The following RHOBTB3 variants were observed in gnomAD, a reference collection of about 807,000 sequenced individuals.
RHOBTB3 encodes Rho related BTB domain containing 3.
RHOBTB3 carries 47 observed loss-of-function variants against 67.2 expected under a neutral mutation model. The ratio of observed to expected loss-of-function variants is 0.70; its 90% CI spans 0.55 to 0.89. The LOEUF (loss-of-function observed/expected upper bound fraction) is 0.89, where lower values mean the gene tolerates loss of function less well. Ranked by LOEUF, RHOBTB3 falls within the 40% of genes least tolerant of loss-of-function variation. The pLI, the probability that RHOBTB3 is intolerant of heterozygous loss-of-function variation, is 0.00. For synonymous variants in RHOBTB3, 273 were observed against 274.2 expected (o/e 1.00, Z 0.04); for missense variants, 631 against 750.0 (o/e 0.84, Z 1.85).
At chr5:95,779,700 T>G (rs1319125993) in intron 8 of RHOBTB3, among the ~76,000 whole-genome samples, 1 of 152,204 alleles carries the variant, frequency 6.6e-6, no homozygotes. Context: ...GGTCATCCTC[T>G]TCCAGATTTT....
intron 3 of RHOBTB3, among the ~76,000 whole-genome samples, chr5:95,740,962 C>T (rs1349617450): frequency 3.3e-5 from 5 of 152,058 alleles, no homozygotes; most frequent in African/African-American, 1.2e-4. Flanking sequence ...AAGAACAAGG[C>T]CGTTATCTTA....
intron 1 of RHOBTB3, among the ~76,000 whole-genome samples, chr5:95,722,678 C>A (rs1019538933): frequency 1.3e-5 from 2 of 152,184 alleles, no homozygotes; most frequent in African/African-American, 2.4e-5. Context: ...TTAGTAGAGG[C>A]AGGGTTTCAC....
chr5:95,727,266 T>C (rs1437162950), upstream of RHOBTB3, among the ~76,000 whole-genome samples: 1 of 150,540 alleles, frequency 6.6e-6, no homozygotes, highest in Non-Finnish European at 1.5e-5. Flanking sequence ...GATTCTTCTA[T>C]GCAAACCTAG....
At chr5:95,750,583 A>C (rs1745061331) in intron 4 of RHOBTB3, among the ~76,000 whole-genome samples, 1 of 152,256 alleles carries the variant, frequency 6.6e-6, no homozygotes, top group South Asian at 2.1e-4. Flanking sequence ...AGGTCTATGG[A>C]ATAGTGCTAG....
chr5:95,772,655 C>T (rs189044043), intron 8 of RHOBTB3, among the ~76,000 whole-genome samples: 48 of 152,236 alleles, frequency 3.2e-4, no homozygotes, highest in Non-Finnish European at 5.9e-4. Context: ...AATTCCTGGT[C>T]GCAGGAGGAA....
intron 3 of RHOBTB3, among the ~76,000 whole-genome samples, 193 bp downstream of exon 3, chr5:95,737,268 GT>G (rs761619255): frequency 2.6e-5 from 4 of 152,212 alleles, no homozygotes; most frequent in Non-Finnish European, 5.9e-5. Flanking sequence ...AACTTCTGCT[GT>G]GATTCCACTG....
chr5:95,731,142 G>T, upstream of RHOBTB3: 7 of 1,015,324 alleles, frequency 6.9e-6, no homozygotes, highest in Non-Finnish European at 8.3e-6. Flanking sequence ...ATTCCGCGGC[G>T]CCCCGCGCGG....
At chr5:95,780,109 A>G in intron 8 of RHOBTB3, 143 bp from the exon 9 acceptor site, 1 of 575,974 alleles carries the variant, frequency 1.7e-6, no homozygotes, top group Non-Finnish European at 3.0e-6. Flanking sequence ...TTTCTGGATT[A>G]ATGGTAGTTA....
intron 1 of RHOBTB3, among the ~76,000 whole-genome samples, chr5:95,724,846 A>G (rs770012438): frequency 2.6e-5 from 4 of 152,158 alleles, no homozygotes; most frequent in Non-Finnish European, 5.9e-5. Flanking sequence ...AAAATTTGCA[A>G]AGCACTTAAT....
chr5:95,760,251 CGAG>C (rs761161698), intron 6 of RHOBTB3, among the ~76,000 whole-genome samples: 5 of 151,944 alleles, frequency 3.3e-5, no homozygotes, highest in Non-Finnish European at 7.4e-5. Flanking sequence ...TCCTAAGGAA[CGAG>C]GAGTAATGTG....
Position 95,780,299 on chromosome 5 carries a change from G to C in RHOBTB3, c.1330G>C (p.Val444Leu). ...HRAILVARCE[V>L]MAAMFNGNYM... is the part of the protein sequence containing the mutation. ...GGCCATCCTGGTGGCCCGTTGTGAA[G>C]TGATGGCAGCCATGTTTAATGGTAA... Residue 444 changes from valine (V) to leucine (L), a missense_variant, in exon 9 of 12, where the codon GTG (valine) becomes CTG (leucine). Transcript: ENST00000379982. 5 of 1,614,020 alleles carry C rather than the reference G, an allele frequency of 3.1e-6. No homozygotes were observed. The highest frequency in any genetic ancestry group is 4.2e-6 in the Non-Finnish European group (5 of 1,179,886).
chr5:95,756,303 T>TA (rs1343393622), intron 6 of RHOBTB3, among the ~76,000 whole-genome samples: 1 of 152,212 alleles, frequency 6.6e-6, no homozygotes, highest in Non-Finnish European at 1.5e-5. Flanking sequence ...CATAATGTCT[T>TA]AAAGGTTCAT....
chr5:95,766,044 G>A lies in RHOBTB3; in HGVS notation c.1162-2002G>A, dbSNP rs771683229. On this transcript the variant is annotated intron_variant, in intron 7 of 11. Coordinates refer to ENST00000379982, the MANE Select transcript of RHOBTB3 (RefSeq NM_014899.4). ...CCCGAATTCCTTCCATGTGTATGAC[G>A]GTTATGTTGTGTATAGGATCTCAGA... Among the ~76,000 whole-genome samples the A allele has an allele frequency of 3.6e-4, 55 of 152,002 alleles. 1 individual carries two copies. Among genetic ancestry groups the A allele is most frequent in the Non-Finnish European group, 6.2e-4 (42 of 67,996 alleles).
chr5:95,725,228 AAAAC>A (rs749122017), intron 1 of RHOBTB3, among the ~76,000 whole-genome samples: 174 of 152,330 alleles, frequency 1.1e-3, no homozygotes, highest in Non-Finnish European at 2.1e-3. Context: ...GAAAAGGAGA[AAAAC>A]AAACCACAGC....
At chr5:95,763,811 T>TGTGTGTGTGC (rs1312179103) in intron 7 of RHOBTB3, among the ~76,000 whole-genome samples, 191 bp downstream of exon 7, 2 of 151,862 alleles carry the variant, frequency 1.3e-5, no homozygotes, top group African/African-American at 4.8e-5. Context: ...ATTGTGTGTG[T>TGTGTGTGTGC]GTGTGTGTGT....
chr5:95,794,213 C>T lies in RHOBTB3; in HGVS notation c.*1039C>T, dbSNP rs1279143389. On this transcript the variant is annotated 3_prime_UTR_variant, in exon 12 of 12. Coordinates refer to ENST00000379982, the MANE Select transcript of RHOBTB3 (RefSeq NM_014899.4). The stretch of plus-strand genomic sequence containing the variant: ...TTGCTCTATCATAGATGAACAAATA[C>T]TTTCTTGATCATTCTGTAAGACCAG... 2 of 300,816 alleles carry T rather than the reference C, an allele frequency of 6.6e-6. No homozygotes were observed. The highest frequency in any genetic ancestry group is 1.3e-5 in the Non-Finnish European group (2 of 150,866). The allele number at this position is 300,816 out of a possible 1,614,324, so 18.6% of individuals were successfully genotyped here. A position where few individuals can be genotyped will look rare whatever the true frequency, so the allele number is the denominator to read the frequency against.
At chr5:95,759,781 G>T (rs530027103) in intron 6 of RHOBTB3, among the ~76,000 whole-genome samples, 4 of 152,314 alleles carry the variant, frequency 2.6e-5, no homozygotes, top group African/African-American at 9.6e-5. Context: ...GCTGTGGTCT[G>T]CCCTTGGGTT....
intron 9 of RHOBTB3, chr5:95,782,230 C>G (rs1376030496): frequency 1.3e-5 from 2 of 152,116 alleles, no homozygotes; most frequent in Admixed American, 1.3e-4. Flanking sequence ...TAAATATTCA[C>G]CATACACAGT....
chr5:95,722,087 T>C (rs2112747871), intron 1 of RHOBTB3, among the ~76,000 whole-genome samples: 1 of 152,300 alleles, frequency 6.6e-6, no homozygotes, highest in Non-Finnish European at 1.5e-5. Context: ...GGAAATGATC[T>C]GTGATAGCTT....
Sources: allele counts gnomAD v4.1 joint callset (sites outside exome capture counted in the v4.1 genomes callset), GRCh38; gene constraint gnomAD v4.1.1; transcripts MANE v1.5; gene names NCBI Gene and HGNC (gene_info 2026-07-23, HGNC 2026-07-21).